Variants in SLC6A17 observed in about 807,000 individuals in gnomAD.
SLC6A17 encodes the protein sodium-dependent neutral amino acid transporter SLC6A17.
A neutral mutation model predicts 64.5 loss-of-function variants in SLC6A17; 21 were observed. That is an observed-to-expected ratio of 0.33 (90% CI 0.23 to 0.47). The LOEUF is 0.47. Among genes scored for constraint, SLC6A17 ranks in the 20% least tolerant of loss-of-function variants. The pLI, the probability that SLC6A17 is intolerant of heterozygous loss-of-function variation, is 1.00. For missense variants in SLC6A17, 682 were observed against 963.2 expected (o/e 0.71, Z 3.86); for synonymous variants, 372 against 399.5 (o/e 0.93, Z 0.82).
chr1:110,154,871 G>A (rs940325294), intron 1 of SLC6A17, among the ~76,000 whole-genome samples: 2 of 152,186 alleles, frequency 1.3e-5, no homozygotes, highest in African/African-American at 2.4e-5. Flanking sequence ...ACACTTCAAG[G>A]TTATTTACAG....
intron 1 of SLC6A17, among the ~76,000 whole-genome samples, chr1:110,151,769 T>TA (rs1655614339): frequency 6.6e-6 from 1 of 152,030 alleles, no homozygotes; most frequent in African/African-American, 2.4e-5. Flanking sequence ...CTTTAGAAAA[T>TA]ATTTTTTGAT....
intron 4 of SLC6A17, 38 bp from the exon 5 acceptor site, chr1:110,174,741 C>T (rs771804058): frequency 6.2e-7 from 1 of 1,603,544 alleles, no homozygotes; most frequent in South Asian, 1.1e-5. Flanking sequence ...CCCATAGGCC[C>T]TGCCACTGAG....
At chr1:110,167,757 G>A (rs1656108076) in intron 2 of SLC6A17, among the ~76,000 whole-genome samples, 1 of 152,098 alleles carries the variant, frequency 6.6e-6, no homozygotes, top group Non-Finnish European at 1.5e-5. Context: ...TTCAACCATC[G>A]AATCCTCCCA....
chr1:110,169,661 G>A (rs1455467559), intron 2 of SLC6A17, among the ~76,000 whole-genome samples: 1 of 152,120 alleles, frequency 6.6e-6, no homozygotes, highest in Non-Finnish European at 1.5e-5. Context: ...CAGAGATCCT[G>A]GATCCTGGCC....
intron 1 of SLC6A17, 184 bp from the exon 2 acceptor site, chr1:110,166,659 G>A (rs1215653999): frequency 2.7e-6 from 1 of 372,170 alleles, no homozygotes; most frequent in Non-Finnish European, 4.9e-6. Flanking sequence ...TGGAGAAACT[G>A]AGTCTGTAGG....
At chr1:110,193,571 G>C (rs375501448) in intron 8 of SLC6A17, among the ~76,000 whole-genome samples, 5 of 152,234 alleles carry the variant, frequency 3.3e-5, no homozygotes, top group Admixed American at 3.3e-4. Flanking sequence ...ACTGGGGAAG[G>C]GGGTGCTTTC....
chr1:110,166,815 A>G, intron 1 of SLC6A17, 28 bp from the exon 2 acceptor site: 1 of 1,377,332 alleles, frequency 7.3e-7, no homozygotes, highest in Non-Finnish European at 9.7e-7. Flanking sequence ...TGGTCAGATA[A>G]TCCTTTACTG....
chr1:110,174,181 T>C, intron 4 of SLC6A17, 82 bp downstream of exon 4: 4 of 1,547,884 alleles, frequency 2.6e-6, no homozygotes, highest in Non-Finnish European at 3.5e-6. Flanking sequence ...ACATTTGGAA[T>C]TTCAGACTTG....
intron 3 of SLC6A17, among the ~76,000 whole-genome samples, chr1:110,173,527 A>G (rs1656295680): frequency 6.6e-6 from 1 of 152,240 alleles, no homozygotes; most frequent in African/African-American, 2.4e-5. Context: ...TGGAATCCAC[A>G]AGAAACACCC....
intron 6 of SLC6A17, among the ~76,000 whole-genome samples, chr1:110,179,013 T>G (rs1656444012): frequency 6.6e-6 from 1 of 152,252 alleles, no homozygotes; most frequent in African/African-American, 2.4e-5. Context: ...CCTTTAACCT[T>G]TACATAAATG....
At chr1:110,191,724 G>A (rs1394151082) in intron 6 of SLC6A17, among the ~76,000 whole-genome samples, 1 of 152,196 alleles carries the variant, frequency 6.6e-6, no homozygotes, top group African/African-American at 2.4e-5. Context: ...TACTATGTAA[G>A]CACTCAGCAT....
chr1:110,179,275 G>C (rs1656452512), intron 6 of SLC6A17, among the ~76,000 whole-genome samples: 1 of 152,102 alleles, frequency 6.6e-6, no homozygotes, highest in Admixed American at 6.6e-5. Flanking sequence ...TGTTTCTCTA[G>C]GGTATCTATG....
intron 2 of SLC6A17, among the ~76,000 whole-genome samples, chr1:110,170,261 G>T (rs1327731998): frequency 6.6e-6 from 1 of 152,104 alleles, no homozygotes; most frequent in Non-Finnish European, 1.5e-5. Context: ...GAGGCGGGCG[G>T]ATCACGAGGT....
At chr1:110,176,341 C>T (rs1357586742) in intron 5 of SLC6A17, among the ~76,000 whole-genome samples, 1 of 152,116 alleles carries the variant, frequency 6.6e-6, no homozygotes, top group South Asian at 2.1e-4. Context: ...CCCTTACCCC[C>T]TTGGCAGCCC....
rs771856154 is a variant in SLC6A17 at position 110,192,244 on chromosome 1, T to C, written c.1106+31T>C. 45 of 1,588,004 alleles carry C rather than the reference T, an allele frequency of 2.8e-5. No homozygotes were observed. Among genetic ancestry groups the C allele is most frequent in the Non-Finnish European group, 3.7e-5 (43 of 1,164,212 alleles). ...TGGCATCTCTCCTCCTGTCCCTCCTTCTCCCTGTCTACCTTACCTGGGAGT... is the reference window on the plus strand; with the variant it reads ...TGGCATCTCTCCTCCTGTCCCTCCTCCTCCCTGTCTACCTTACCTGGGAGT... On this transcript the variant is annotated intron_variant, in intron 7 of 11. Transcript: ENST00000331565. This position sits in a 1 kb window ranked among gnomAD's most constrained non-coding sequence, Gnocchi z 4.3.
Position 110,192,030 on chromosome 1 carries a change from C to A in SLC6A17, c.923C>A (p.Ala308Asp). The change falls in exon 7 of 12, where the codon GCC becomes GAC. Residue 308 changes from alanine to aspartate, a missense_variant. Physicochemically the swap from Ala to Asp is moderately radical, Grantham distance 126 (BLOSUM62 -2). Transcript: ENST00000331565. This position sits in a 1 kb window ranked among gnomAD's most constrained non-coding sequence, Gnocchi z 4.3. ...GAGGCAGCTACCCAGGTCTTCTTTGCCTTGGGCCTGGGCTTTGGTGGTGTC... is the reference window on the plus strand; with the variant it reads ...GAGGCAGCTACCCAGGTCTTCTTTGACTTGGGCCTGGGCTTTGGTGGTGTC... ...WREAATQVFF[A>D]LGLGFGGVIA... 1 of 1,614,170 alleles carries A rather than the reference C, an allele frequency of 6.2e-7. No homozygotes were observed.
At chr1:110,152,126 G>A (rs189775403) in intron 1 of SLC6A17, among the ~76,000 whole-genome samples, 11 of 152,286 alleles carry the variant, frequency 7.2e-5, no homozygotes, top group Non-Finnish European at 1.3e-4. Flanking sequence ...CTTGTGTCTC[G>A]TTCTGTGCTT....
chr1:110,164,627 C>T (rs905325448), intron 1 of SLC6A17, among the ~76,000 whole-genome samples: 7 of 152,174 alleles, frequency 4.6e-5, no homozygotes, highest in African/African-American at 1.7e-4. Flanking sequence ...GTGCGGGATG[C>T]GCATGGCGTC....
intron 1 of SLC6A17, among the ~76,000 whole-genome samples, chr1:110,152,644 A>G (rs1399776278): frequency 6.6e-6 from 1 of 152,084 alleles, no homozygotes; most frequent in African/African-American, 2.4e-5. Flanking sequence ...GGGTAAGGAA[A>G]GGCTCTGTGA....
Sources: gnomAD v4.1 joint callset for allele counts (sites outside exome capture counted in the v4.1 genomes callset) on GRCh38, gnomAD v4.1.1 for gene constraint, Gnocchi (gnomAD v3.1) non-coding constraint, MANE v1.5 for transcripts, NCBI Gene and HGNC (gene_info 2026-07-23, HGNC 2026-07-21) for gene names.